The following KDM4C variants were observed in gnomAD, a reference collection of about 807,000 sequenced individuals.
KDM4C encodes lysine demethylase 4C.
In KDM4C, 81 loss-of-function variants were observed where a neutral mutation model predicts 129.3. The observed-to-expected ratio is 0.63, with a 90% CI of 0.52 to 0.75. The LOEUF is 0.75. KDM4C is among the 30% of genes least tolerant of loss of function. The pLI is 0.00. For synonymous variants in KDM4C, 573 were observed against 456.1 expected, an observed-to-expected ratio of 1.26 and a Z score of -3.26; for missense variants, 1,457 against 1,304.0, an observed-to-expected ratio of 1.12 and a Z score of -1.81.
rs1475281626 is a variant in KDM4C at position 6,920,395 on chromosome 9, C to G, written c.921+27163C>G. 2.6e-5 allele frequency among the ~76,000 whole-genome samples: 4 copies of G among 152,176 alleles called. No individual in the cohort carries two copies. In the South Asian group the frequency reaches 6.2e-4, roughly 24 times the overall value. ...TGGCCAACATGGTAAGACCCCATCT[C>G]TACTAAACTACAAAAAAATTAGCTG... On this transcript the variant is annotated intron_variant, in intron 8 of 21. Transcript: ENST00000381309.
chr9:7,050,626 CA>C (rs1008431003), intron 17 of KDM4C, among the ~76,000 whole-genome samples: 6 of 151,940 alleles, frequency 3.9e-5, no homozygotes, highest in Non-Finnish European at 8.8e-5. Flanking sequence ...AGATATTTGT[CA>C]AAATTCTACA....
In KDM4C at chr9:7,128,058, T is replaced by C. The variant is rs533529892; in HGVS notation, c.2611-8T>C. The C allele has an allele frequency of 3.4e-6, 5 of 1,482,030 alleles. No homozygotes were observed. The South Asian group carries it at 7.3e-5, about 22-fold the overall frequency. The allele number at this position is 1,482,030 out of a possible 1,614,324, so 91.8% of individuals were successfully genotyped here. A position where few individuals can be genotyped will look rare whatever the true frequency, so the allele number is the denominator to read the frequency against. On this transcript the variant is annotated splice_polypyrimidine_tract_variant and splice_region_variant and intron_variant, in intron 18 of 21. Transcript: ENST00000381309. ...TCTTTTCTTCCTTTTTTGTGTCCCT[T>C]CTTTTAGAAGTCCAAGGCTTGCGAG...
intron 1 of KDM4C, among the ~76,000 whole-genome samples, chr9:6,721,539 C>CTAA: frequency 6.6e-6 from 1 of 151,332 alleles, no homozygotes; most frequent in East Asian, 2.0e-4. Context: ...CCGTCTCGGC[C>CTAA]TCCCAAAGTG....
intron 8 of KDM4C, among the ~76,000 whole-genome samples, chr9:6,954,124 G>C (rs10815488): frequency 0.74 from 113,075 of 152,054 alleles, 42,491 homozygotes; most frequent in East Asian, 1. Flanking sequence ...ACATTCTCAG[G>C]TGAATTGTCT....
Position 7,006,087 on chromosome 9 carries a change from C to A in KDM4C, c.1787-5611C>A, listed in dbSNP as rs116490732. On this transcript the variant is annotated intron_variant, in intron 12 of 21. Transcript: ENST00000381309. ...CGAAAAATAATCATTGAAATAAACA[C>A]TGTATGTTTACACCGTTGCTAACAA... 7.2e-3 allele frequency among the ~76,000 whole-genome samples: 1,095 copies of A among 152,294 alleles called. 15 individuals carry two copies. The highest frequency in any genetic ancestry group is 0.025 in the African/African-American group (1,033 of 41,560).
At chr9:6,864,150 T>C (rs1015872612) in intron 5 of KDM4C, among the ~76,000 whole-genome samples, 2 of 152,214 alleles carry the variant, frequency 1.3e-5, no homozygotes, top group Non-Finnish European at 2.9e-5. Context: ...CTGCTTCGTA[T>C]TGAAGAATTC....
chr9:6,735,871 G>T lies in KDM4C; in HGVS notation c.49+14874G>T, dbSNP rs140263772. Among the ~76,000 whole-genome samples, 1,170 of 152,304 alleles carry T rather than the reference G, an allele frequency of 7.7e-3. 15 individuals are homozygous for T. Among genetic ancestry groups the T allele is most frequent in the African/African-American group, 0.027 (1,110 of 41,572 alleles). Reference sequence around the variant, plus strand: ...GAACAGTTTGGAGGGCTCAGAAGAAGACAGGAAAATGTGGGAAAGTTTGGC... The same window carrying T: ...GAACAGTTTGGAGGGCTCAGAAGAATACAGGAAAATGTGGGAAAGTTTGGC... On this transcript the variant is annotated intron_variant, in intron 1 of 17. Transcript: ENST00000536108.
At chr9:6,967,199 G>A (rs988030974) in intron 8 of KDM4C, among the ~76,000 whole-genome samples, 11 of 151,926 alleles carry the variant, frequency 7.2e-5, no homozygotes, top group Non-Finnish European at 1.5e-5. Flanking sequence ...CAAGGCAGGC[G>A]GATCACTTGA....
chr9:6,895,852 A>T (rs1469527405), intron 8 of KDM4C, among the ~76,000 whole-genome samples: 1 of 152,260 alleles, frequency 6.6e-6, no homozygotes, highest in Non-Finnish European at 1.5e-5. Flanking sequence ...CGAATGTTTC[A>T]CTAAAATATC....
intron 4 of KDM4C, among the ~76,000 whole-genome samples, chr9:6,828,438 T>C (rs1834247408): frequency 6.6e-6 from 1 of 152,040 alleles, no homozygotes; most frequent in African/African-American, 2.4e-5. Context: ...TGAGCCACCG[T>C]GCCCGGCCAT....
At chr9:6,775,774 G>C (rs774631018) in intron 1 of KDM4C, among the ~76,000 whole-genome samples, 67 of 152,216 alleles carry the variant, frequency 4.4e-4, no homozygotes, top group Non-Finnish European at 6.8e-4. Context: ...CGCCTGCCTC[G>C]GCCTCCCAAA....
chr9:7,046,685 A>G (rs956629894), intron 15 of KDM4C, among the ~76,000 whole-genome samples, 177 bp from the exon 16 acceptor site: 16 of 152,060 alleles, frequency 1.1e-4, no homozygotes, highest in African/African-American at 3.6e-4. Flanking sequence ...GTGTACCTCT[A>G]CCATTTCCCC....
intron 19 of KDM4C, among the ~76,000 whole-genome samples, chr9:7,136,768 G>T (rs1841252992): frequency 6.6e-6 from 1 of 152,128 alleles, no homozygotes; most frequent in African/African-American, 2.4e-5. Flanking sequence ...CCTGGTTCGT[G>T]TCTTGTTTTG....
intron 1 of KDM4C, among the ~76,000 whole-genome samples, chr9:6,774,855 A>G (rs1165191893): frequency 1.3e-5 from 2 of 152,144 alleles, no homozygotes; most frequent in African/African-American, 4.8e-5. Context: ...CTCCTTGGCA[A>G]CCATGTCCTG....
intron 9 of KDM4C, among the ~76,000 whole-genome samples, chr9:6,983,863 A>G (rs992473591): frequency 1.4e-4 from 21 of 151,542 alleles, no homozygotes; most frequent in African/African-American, 7.3e-5. Flanking sequence ...TTTTTACTTT[A>G]TTTTTATTTT....
intron 15 of KDM4C, among the ~76,000 whole-genome samples, chr9:7,038,547 G>T (rs936526973): frequency 2.6e-5 from 4 of 150,988 alleles, no homozygotes; most frequent in African/African-American, 7.3e-5. Flanking sequence ...TAAAAATTTT[G>T]ACATTACAAA....
chr9:6,728,949 T>G (rs768545514), intron 1 of KDM4C, among the ~76,000 whole-genome samples: 2 of 151,888 alleles, frequency 1.3e-5, no homozygotes, highest in Non-Finnish European at 2.9e-5. Flanking sequence ...TTCACGCCTG[T>G]AATCCCAGTA....
At chr9:6,967,025 T>G (rs953507634) in intron 8 of KDM4C, among the ~76,000 whole-genome samples, 3 of 152,164 alleles carry the variant, frequency 2.0e-5, no homozygotes, top group South Asian at 2.1e-4. Context: ...ATAAAACATT[T>G]GCAAAACGTG....
intron 16 of KDM4C, among the ~76,000 whole-genome samples, chr9:7,047,375 C>G (rs1829554585): frequency 6.6e-6 from 1 of 151,838 alleles, no homozygotes; most frequent in African/African-American, 2.4e-5. Flanking sequence ...TGTAAGTGTA[C>G]TAAATTAGAA....
Sources: gnomAD v4.1 joint callset for allele counts (sites outside exome capture counted in the v4.1 genomes callset) on GRCh38, gnomAD v4.1.1 for gene constraint, MANE v1.5 for transcripts, NCBI Gene and HGNC (gene_info 2026-07-23, HGNC 2026-07-21) for gene names.